Variants in PXDNL observed in about 807,000 individuals in gnomAD.
PXDNL encodes peroxidasin like.
Under a neutral mutation model 150.8 loss-of-function variants are expected in PXDNL, and 145 were observed. That is an observed-to-expected ratio of 0.96 (90% CI 0.84 to 1.10). The LOEUF (loss-of-function observed/expected upper bound fraction) is 1.10. Among genes scored for constraint, PXDNL ranks in the 50% least tolerant of loss-of-function variants. The pLI, the probability that PXDNL is intolerant of heterozygous loss-of-function variation, is 0.00. For synonymous variants in PXDNL, 757 were observed against 725.7 expected (o/e 1.04, Z -0.69); for missense variants, 2,087 against 1,873.9 (o/e 1.11, Z -2.10).
At chr8:51,508,094 C>T (rs1811330603) in intron 4 of PXDNL, among the ~76,000 whole-genome samples, 1 of 152,088 alleles carries the variant, frequency 6.6e-6, no homozygotes, top group Admixed American at 6.6e-5. Flanking sequence ...CTGCACAGGA[C>T]CAATGGTACT....
chr8:51,453,351 A>C (rs1315269931), intron 10 of PXDNL, among the ~76,000 whole-genome samples, 168 bp downstream of exon 10: 1 of 152,242 alleles, frequency 6.6e-6, no homozygotes, highest in Non-Finnish European at 1.5e-5. Flanking sequence ...AAGAAAAAAA[A>C]CAACTTTTAA....
rs1237044399 is a variant in PXDNL at position 51,365,106 on chromosome 8, T to A, written c.3901+6767A>T. ...CAGGCACCCACCACACCCAGCTAATTTTTGTACTTTTAGTAGAGATGGGGT... is the reference window on the plus strand; with the variant it reads ...CAGGCACCCACCACACCCAGCTAATATTTGTACTTTTAGTAGAGATGGGGT... On this transcript the variant is annotated intron_variant, in intron 19 of 22. Transcript: ENST00000356297. Among the ~76,000 whole-genome samples, 5 of 152,064 alleles carry A rather than the reference T, an allele frequency of 3.3e-5. No homozygotes were observed. In the East Asian group the frequency reaches 9.7e-4, roughly 29 times the overall value.
In PXDNL at chr8:51,472,191, T is replaced by A. The variant is rs762223771; in HGVS notation, c.808A>T (p.Asn270Tyr). The A allele has an allele frequency of 6.2e-7, 1 of 1,604,348 alleles. No individual in the cohort carries two copies. The highest frequency in any genetic ancestry group is 1.1e-5 in the South Asian group (1 of 90,858). Residue 270 changes from asparagine (N) to tyrosine (Y), a missense_variant, in exon 8 of 23, where the codon AAC becomes TAC. By Grantham distance (143) the Asn-to-Tyr change is moderately radical. Transcript: ENST00000356297. ...NPKPEIIWIH[N>Y]NHSLDLEDDT... ...ATGTCCATGCTCAGTATTTACTTGT[T>A]GTGTATCCAAATAATCTCAGGTTTG...
intron 21 of PXDNL, among the ~76,000 whole-genome samples, chr8:51,329,572 G>C (rs145666737): frequency 8.9e-4 from 135 of 152,282 alleles, no homozygotes; most frequent in African/African-American, 3.2e-3. Flanking sequence ...ATGAGACACA[G>C]ATGTTGAAAT....
chr8:51,444,360 C>T (rs1809622597), intron 12 of PXDNL, among the ~76,000 whole-genome samples: 1 of 152,124 alleles, frequency 6.6e-6, no homozygotes, highest in South Asian at 2.1e-4. Context: ...CTGGATCTCC[C>T]TCAACCAGCA....
chr8:51,764,727 T>C (rs143469439), intron 1 of PXDNL, among the ~76,000 whole-genome samples: 1 of 152,330 alleles, frequency 6.6e-6, no homozygotes, highest in East Asian at 1.9e-4. Flanking sequence ...TGGGCTACCA[T>C]ATGAACTATC....
chr8:51,522,433 A>G (rs1006159324), intron 4 of PXDNL, among the ~76,000 whole-genome samples: 1 of 152,226 alleles, frequency 6.6e-6, no homozygotes, highest in Non-Finnish European at 1.5e-5. Flanking sequence ...CTCCAGCATT[A>G]AAGGACTTAT....
chr8:51,527,510 T>G (rs1175415233), intron 4 of PXDNL, among the ~76,000 whole-genome samples: 1 of 152,232 alleles, frequency 6.6e-6, no homozygotes, highest in Non-Finnish European at 1.5e-5. Context: ...CTGCTTTATA[T>G]GAAGTATCCG....
chr8:51,486,707 C>G (rs1810745032), intron 5 of PXDNL, among the ~76,000 whole-genome samples: 1 of 133,758 alleles, frequency 7.5e-6, no homozygotes, highest in Non-Finnish European at 1.5e-5. Context: ...TTGCTTTACT[C>G]CCAACAAGAA....
intron 5 of PXDNL, among the ~76,000 whole-genome samples, chr8:51,490,278 T>A (rs1318457499): frequency 1.3e-5 from 2 of 152,124 alleles, no homozygotes; most frequent in African/African-American, 4.8e-5. Context: ...GAGAAAGAAA[T>A]AAAATCTGAG....
At chr8:51,418,332 C>T (rs1808856111) in intron 14 of PXDNL, among the ~76,000 whole-genome samples, 1 of 151,800 alleles carries the variant, frequency 6.6e-6, no homozygotes, top group Admixed American at 6.6e-5. Flanking sequence ...TAATTTATAC[C>T]CTATTCAGAG....
chr8:51,645,466 C>T (rs1012831172), intron 2 of PXDNL, among the ~76,000 whole-genome samples: 9 of 152,128 alleles, frequency 5.9e-5, no homozygotes, highest in Non-Finnish European at 1.2e-4. Context: ...GAGGATCACA[C>T]GGCTGCTTGA....
intron 4 of PXDNL, among the ~76,000 whole-genome samples, chr8:51,555,208 T>C (rs1288703474): frequency 6.6e-6 from 1 of 152,096 alleles, no homozygotes; most frequent in African/African-American, 2.4e-5. Flanking sequence ...AAAGGGCAAG[T>C]GAGGGCAAGA....
chr8:51,388,235 T>C (rs1024022546), intron 17 of PXDNL, among the ~76,000 whole-genome samples: 6 of 152,166 alleles, frequency 3.9e-5, no homozygotes, highest in Non-Finnish European at 8.8e-5. Flanking sequence ...AAATAGAAAA[T>C]TATTCAATTA....
chr8:51,577,988 AAAGAAAGAAAG>A (rs1563471111), intron 3 of PXDNL, among the ~76,000 whole-genome samples: 562 of 74,732 alleles, frequency 7.5e-3, no homozygotes, highest in Admixed American at 0.011. Context: ...AGAAAGAAAG[AAAGAAAGAAAG>A]AGGAAGGAAG....
chr8:51,377,343 G>A (rs112315883), intron 17 of PXDNL, among the ~76,000 whole-genome samples: 6 of 151,968 alleles, frequency 3.9e-5, no homozygotes, highest in East Asian at 1.9e-4. Flanking sequence ...AGGTGACAGC[G>A]TGCTGGCAGC....
intron 2 of PXDNL, among the ~76,000 whole-genome samples, chr8:51,640,378 A>G (rs1232132341): frequency 1.3e-5 from 2 of 152,180 alleles, no homozygotes; most frequent in East Asian, 1.9e-4. Flanking sequence ...AGAAGGAAAT[A>G]AAGGGTATTC....
intron 1 of PXDNL, among the ~76,000 whole-genome samples, chr8:51,788,510 A>G (rs1010783239): frequency 2.0e-5 from 3 of 152,336 alleles, no homozygotes; most frequent in East Asian, 1.9e-4. Context: ...ATAAAGATGT[A>G]TTTGCACTTT....
At chr8:51,691,852 G>C (rs1816006498) in intron 1 of PXDNL, among the ~76,000 whole-genome samples, 1 of 152,138 alleles carries the variant, frequency 6.6e-6, no homozygotes, top group East Asian at 1.9e-4. Context: ...GTGTGATTCT[G>C]TACATCCATA....
Sources: gnomAD v4.1 joint callset for allele counts (sites outside exome capture counted in the v4.1 genomes callset) on GRCh38, gnomAD v4.1.1 for gene constraint, MANE v1.5 for transcripts, NCBI Gene and HGNC (gene_info 2026-07-23, HGNC 2026-07-21) for gene names.